The following RTF2 variants were observed in gnomAD, a reference collection of about 807,000 sequenced individuals.
The protein encoded by RTF2 is replication termination factor 2, also known as UPF0549 protein C20orf43.
RTF2 carries 18 observed loss-of-function variants against 38.0 expected under a neutral mutation model. The ratio of observed to expected loss-of-function variants is 0.47; its 90% CI spans 0.33 to 0.70. The LOEUF (loss-of-function observed/expected upper bound fraction) is 0.70, where lower values mean the gene tolerates loss of function less well. Among genes scored for constraint, RTF2 ranks in the 30% least tolerant of loss-of-function variants. The pLI is 0.02. For missense variants in RTF2, 311 were observed against 379.6 expected (o/e 0.82, Z 1.50); for synonymous variants, 126 against 137.1 (o/e 0.92, Z 0.57).
At chr20:56,491,910 A>G (rs1369509073) in intron 5 of RTF2, 1 of 663,846 alleles carries the variant, frequency 1.5e-6, no homozygotes, top group African/African-American at 1.8e-5. Flanking sequence ...TTCACATCAA[A>G]CAGCATTTCC....
chr20:56,484,160 A>G lies in RTF2; in HGVS notation c.448A>G (p.Lys150Glu). The G allele has an allele frequency of 1.9e-6, 3 of 1,614,186 alleles. No individual in the cohort carries two copies. The highest frequency in any genetic ancestry group is 2.5e-6 in the Non-Finnish European group (3 of 1,180,036). Residue 150 changes from lysine (K) to glutamate (E), a missense_variant, in exon 5 of 9, where the codon AAA (lysine) becomes GAA (glutamate). By Grantham distance (56) the Lys-to-Glu change is moderately conservative (BLOSUM62 1). Coordinates refer to ENST00000357348, the MANE Select transcript of RTF2 (RefSeq NM_016407.5). ...CGCVFSERAL[K>E]EIKAEVCHTC... is the part of the protein sequence containing the mutation. ...CTGTGTGTTTTCTGAGCGAGCCTTG[A>G]AAGAGATAAAAGCGGAAGTTTGCCA...
intron 5 of RTF2, chr20:56,503,951 A>C (rs189526141): frequency 6.5e-6 from 1 of 152,676 alleles, no homozygotes; most frequent in Admixed American, 6.5e-5. Context: ...CTGGGTGACA[A>C]AGTGAGACCC....
chr20:56,491,919 C>T, intron 5 of RTF2: 1 of 642,082 alleles, frequency 1.6e-6, no homozygotes, highest in Non-Finnish European at 2.8e-6. Context: ...AACAGCATTT[C>T]CATGATTGCC....
At chr20:56,482,124 T>C (rs1383167886) in intron 4 of RTF2, among the ~76,000 whole-genome samples, 9 of 152,236 alleles carry the variant, frequency 5.9e-5, no homozygotes, top group Admixed American at 5.9e-4. Context: ...CCATCTGTTA[T>C]TGATAAGAGC....
chr20:56,472,286 C>G, intron 1 of RTF2: 1 of 1,086,500 alleles, frequency 9.2e-7, no homozygotes, highest in Non-Finnish European at 1.4e-6. Context: ...TTTTCTCTTC[C>G]TATTTTCTTC....
chr20:56,509,584 G>A (rs1299731724), intron 5 of RTF2, among the ~76,000 whole-genome samples: 2 of 147,810 alleles, frequency 1.4e-5, no homozygotes, highest in African/African-American at 5.0e-5. Flanking sequence ...CTGGACTGCA[G>A]CCTGGCGACA....
intron 6 of RTF2, chr20:56,515,659 G>GAGACAC (rs1568713943): frequency 1.6e-5 from 2 of 124,586 alleles, no homozygotes; most frequent in East Asian, 4.1e-4. Flanking sequence ...TTCTGTCTCA[G>GAGACAC]ACAGAGACAC....
Position 56,518,291 on chromosome 20 carries a change from C to T in RTF2, c.*26C>T, listed in dbSNP as rs1318895578. 1.3e-6 allele frequency: 2 copies of T among 1,596,196 alleles called. No homozygotes were observed. The highest frequency in any genetic ancestry group is 1.4e-5 in the African/African-American group (1 of 74,010). On this transcript the variant is annotated 3_prime_UTR_variant, in exon 9 of 9. Transcript: ENST00000357348. ...AGCCCGCACTGCCACCGCTCCTGCC[C>T]CAGAAGGTTGTTTAGTTTCCACGTA...
chr20:56,483,270 T>G (rs1982616792), intron 4 of RTF2, among the ~76,000 whole-genome samples: 2 of 152,172 alleles, frequency 1.3e-5, no homozygotes. Flanking sequence ...CCTAAAGTAT[T>G]GTACTGTGTT....
At chr20:56,479,380 C>T (rs144529635) in intron 4 of RTF2, among the ~76,000 whole-genome samples, 1,708 of 152,232 alleles carry the variant, frequency 0.011, 13 homozygotes, top group Admixed American at 0.018. Context: ...TGCCCGCCAC[C>T]GTGCCCAGCT....
At chr20:56,515,530 CCA>C (rs1451839430) in intron 6 of RTF2, among the ~76,000 whole-genome samples, 3 of 151,594 alleles carry the variant, frequency 2.0e-5, no homozygotes, top group African/African-American at 7.3e-5. Flanking sequence ...CAAGATCGTA[CCA>C]CTGCACTTCA....
chr20:56,503,207 A>G (rs1984034529), intron 5 of RTF2, among the ~76,000 whole-genome samples: 1 of 152,220 alleles, frequency 6.6e-6, no homozygotes, highest in East Asian at 1.9e-4. Context: ...TGTTAGCACA[A>G]TGTTTTCTTG....
rs540416111 is a variant in RTF2 at position 56,513,634 on chromosome 20, C to T, written c.591+206C>T. ...TGAGCACGGCGGCTCTGCTCTTCCC[C>T]GCCGAGCTTTCTCATCAGTGAAGTG... On this transcript the variant is annotated intron_variant, in intron 6 of 8. Coordinates refer to ENST00000357348, the MANE Select transcript of RTF2 (RefSeq NM_016407.5). 1.2e-4 allele frequency among the ~76,000 whole-genome samples: 18 copies of T among 152,266 alleles called. No individual in the cohort carries two copies. In the South Asian group the frequency reaches 2.5e-3, roughly 21 times the overall value.
chr20:56,486,952 G>A (rs896113200), intron 5 of RTF2, among the ~76,000 whole-genome samples: 1 of 152,154 alleles, frequency 6.6e-6, no homozygotes, highest in Non-Finnish European at 1.5e-5. Context: ...GAGAGAGGCC[G>A]AGGTGTGAGT....
intron 1 of RTF2, among the ~76,000 whole-genome samples, chr20:56,471,892 G>A (rs1981992006): frequency 6.6e-6 from 1 of 152,182 alleles, no homozygotes; most frequent in East Asian, 1.9e-4. Flanking sequence ...CACAGTGCCT[G>A]GCACACAGTA....
intron 5 of RTF2, among the ~76,000 whole-genome samples, chr20:56,506,111 T>G (rs1984252230): frequency 6.6e-6 from 1 of 152,220 alleles, no homozygotes; most frequent in Non-Finnish European, 1.5e-5. Context: ...TTTATACTAC[T>G]TTGAAATATT....
chr20:56,499,364 G>C (rs1419678979), intron 5 of RTF2, among the ~76,000 whole-genome samples: 1 of 151,648 alleles, frequency 6.6e-6, no homozygotes, highest in Non-Finnish European at 1.5e-5. Flanking sequence ...TATTTTTTTA[G>C]TAGAGACAGG....
intron 5 of RTF2, among the ~76,000 whole-genome samples, chr20:56,512,402 C>T (rs943210900): frequency 2.6e-5 from 4 of 152,206 alleles, no homozygotes; most frequent in African/African-American, 9.7e-5. Flanking sequence ...AGACAAGACT[C>T]CAGGTCATGA....
intron 6 of RTF2, among the ~76,000 whole-genome samples, chr20:56,515,441 G>A (rs1287109698): frequency 3.9e-5 from 6 of 152,072 alleles, no homozygotes; most frequent in Non-Finnish European, 2.9e-5. Context: ...ATGTGGTGGC[G>A]TGCGCCAGTA....
Sources: gnomAD v4.1 joint callset for allele counts (sites outside exome capture counted in the v4.1 genomes callset) on GRCh38, gnomAD v4.1.1 for gene constraint, MANE v1.5 for transcripts, NCBI Gene and HGNC (gene_info 2026-07-23, HGNC 2026-07-21) for gene names.